DDI2: variants seen among roughly 807,000 people sequenced by gnomAD.
DDI2 encodes the protein DDI proteasomal shuttling factor 2, also known as protein DDI1 homolog 2.
DDI2 carries 5 observed loss-of-function variants against 48.1 expected under a neutral mutation model. The ratio of observed to expected loss-of-function variants is 0.10; its 90% confidence interval spans 0.05 to 0.22. The LOEUF (loss-of-function observed/expected upper bound fraction) is 0.22. DDI2 is among the 10% of genes least tolerant of loss of function. DDI2 has a pLI of 1.00. For missense variants in DDI2, 285 were observed against 506.2 expected, an observed-to-expected ratio of 0.56 and a Z score of 4.19; for synonymous variants, 205 against 183.6, an observed-to-expected ratio of 1.12 and a Z score of -0.94.
At chr1:15,636,219 C>T (rs1297241473) in intron 4 of DDI2, among the ~76,000 whole-genome samples, 3 of 152,118 alleles carry the variant, frequency 2.0e-5, no homozygotes, top group African/African-American at 7.2e-5. Context: ...GCCTCAACTT[C>T]TTAGGCTCAG....
In DDI2 at chr1:15,667,213, A is replaced by AG. The variant is rs1334196337; in HGVS notation, c.*7423_*7424insG. ...GAGTGAGACACCGTCTCAAAAAAAAAAAAAATTTTTTTTTAAATGGAATCA... is the reference window on the plus strand; with the variant it reads ...GAGTGAGACACCGTCTCAAAAAAAAAGAAAAATTTTTTTTTAAATGGAATCA... On this transcript the variant is annotated 3_prime_UTR_variant, in exon 10 of 10. Transcript: ENST00000480945. 1 of 144,682 alleles carries AG rather than the reference A, an allele frequency of 6.9e-6. No homozygotes were observed. The highest frequency in any genetic ancestry group is 1.5e-5 in the Non-Finnish European group (1 of 66,270). 9.0% of individuals were successfully genotyped at this position (144,682 alleles called of 1,614,324 possible).
intron 8 of DDI2, among the ~76,000 whole-genome samples, chr1:15,655,752 CAAAAAAAA>C (rs111602583): frequency 8.6e-6 from 1 of 115,932 alleles, no homozygotes; most frequent in African/African-American, 3.1e-5. Context: ...GACTCCTTCT[CAAAAAAAA>C]AAAAAAAGAA....
rs147667349 is a variant in DDI2, at chr1:15,660,422, A to G, written c.*632A>G. The G allele has an allele frequency of 1.4e-4, 223 of 1,614,070 alleles. No homozygotes were observed. In the African/African-American group the frequency reaches 2.7e-3, roughly 19 times the overall value. ...GAGGTTGCACAACAAAAAGCTTCAC[A>G]TGACCAAGAATATCTTTGTAACATA... On this transcript the variant is annotated 3_prime_UTR_variant, in exon 10 of 10. Coordinates refer to ENST00000480945, the MANE Select transcript of DDI2 (RefSeq NM_032341.5).
At chr1:15,657,972 AG>A (rs1371341509) in intron 9 of DDI2, among the ~76,000 whole-genome samples, 6 of 152,180 alleles carry the variant, frequency 3.9e-5, no homozygotes, top group Non-Finnish European at 8.8e-5. Flanking sequence ...GCTGTTAACC[AG>A]TAGTTTATTA....
At position 15,659,566 on chromosome 1, in the gene DDI2, G is replaced by A. The variant is rs113570905; in HGVS notation, c.*47-271G>A. Among the ~76,000 whole-genome samples, 12 of 152,216 alleles carry A rather than the reference G, an allele frequency of 7.9e-5. No individual in the cohort carries two copies. The South Asian group carries it at 1.5e-3, about 18-fold the overall frequency. ...TCCTTCATTCCTGAGCACTAACCCC[G>A]CCATTATGTGAATGCATATTAATGG... On this transcript the variant is annotated intron_variant, in intron 9 of 9. Coordinates refer to ENST00000480945, the MANE Select transcript of DDI2 (RefSeq NM_032341.5).
rs1476164279 is a variant in DDI2, at chr1:15,662,486, G to T, written c.*2696G>T. 1 of 152,154 alleles carries T rather than the reference G, an allele frequency of 6.6e-6. No individual in the cohort carries two copies. Among genetic ancestry groups the T allele is most frequent in the East Asian group, 1.9e-4 (1 of 5,204 alleles). 9.4% of individuals were successfully genotyped at this position (152,154 alleles called of 1,614,324 possible). On this transcript the variant is annotated 3_prime_UTR_variant, in exon 10 of 10. Coordinates refer to ENST00000480945, the MANE Select transcript of DDI2 (RefSeq NM_032341.5). Reference sequence around the variant, plus strand: ...CGTGGTGCTACCCAGATTCTTAAAAGAACAGAACAACCATAATTCCATTTG... The same window carrying T: ...CGTGGTGCTACCCAGATTCTTAAAATAACAGAACAACCATAATTCCATTTG...
chr1:15,655,955 T>G (rs1056868162), intron 8 of DDI2, among the ~76,000 whole-genome samples: 1 of 151,916 alleles, frequency 6.6e-6, no homozygotes. Flanking sequence ...GCTTATTTTT[T>G]AAATACTTTA....
rs115933202 is a variant in DDI2 at position 15,626,519 on chromosome 1, G to T, written c.139-150G>T. The T allele has an allele frequency of 9.6e-3, 10,398 of 1,085,962 alleles. 64 individuals carry two copies. Among genetic ancestry groups the T allele is most frequent in the Middle Eastern group, 0.022 (99 of 4,464 alleles). 67.3% of individuals were successfully genotyped at this position (1,085,962 alleles called of 1,614,324 possible). ...GTTTGGTCCTGCTAGGTGACGGGAA[G>T]GACTGTGGGTTTTGTTCTGGATGTG... is the stretch of plus-strand genomic sequence containing the variant. On this transcript the variant is annotated intron_variant, in intron 1 of 9. Coordinates refer to ENST00000480945, the MANE Select transcript of DDI2 (RefSeq NM_032341.5).
At chr1:15,634,240 G>A (rs912845558) in intron 4 of DDI2, 1 of 154,922 alleles carries the variant, frequency 6.5e-6, no homozygotes, top group African/African-American at 2.4e-5. Context: ...GGACAGTGAC[G>A]CTGTTCCGGC....
intron 5 of DDI2, 142 bp from the exon 6 acceptor site, chr1:15,643,380 T>G (rs1640040226): frequency 8.6e-7 from 1 of 1,169,110 alleles, no homozygotes; most frequent in Admixed American, 2.9e-5. Context: ...GGCAGGGCAC[T>G]TGCTAGGTAG....
At position 15,665,581 on chromosome 1, in the gene DDI2, G is replaced by A. The variant is rs1640440919; in HGVS notation, c.*5791G>A. 1 of 152,168 alleles carries A rather than the reference G, an allele frequency of 6.6e-6. No homozygotes were observed. Among genetic ancestry groups the A allele is most frequent in the Admixed American group, 6.5e-5 (1 of 15,274 alleles). The allele number at this position is 152,168 out of a possible 1,614,324, so 9.4% of individuals were successfully genotyped here. ...AATTTAGGTTAACTTTTAAGCTCAT[G>A]TCTATATATATGTGTGTAAGCTAGC... On this transcript the variant is annotated 3_prime_UTR_variant, in exon 10 of 10. Coordinates refer to ENST00000480945, the MANE Select transcript of DDI2 (RefSeq NM_032341.5).
At chr1:15,659,774 G>T (rs972186989) in intron 9 of DDI2, 63 bp from the exon 10 acceptor site, 5 of 1,456,040 alleles carry the variant, frequency 3.4e-6, no homozygotes, top group Non-Finnish European at 4.5e-6. Flanking sequence ...GTATCCTCTG[G>T]TAATTTAGTG....
At chr1:15,652,058 C>G (rs1289956127) in intron 8 of DDI2, among the ~76,000 whole-genome samples, 163 bp downstream of exon 8, 1 of 75,962 alleles carries the variant, frequency 1.3e-5, no homozygotes, top group African/African-American at 6.6e-5. Flanking sequence ...TTTGATCTTC[C>G]TTTTTTTTTT....
intron 2 of DDI2, among the ~76,000 whole-genome samples, chr1:15,629,760 T>A (rs1639814321): frequency 6.6e-6 from 1 of 151,472 alleles, no homozygotes; most frequent in African/African-American, 2.4e-5. Flanking sequence ...AGATGAAGTT[T>A]CGCTCTTGTT....
chr1:15,669,033 T>G lies in DDI2; in HGVS notation c.*9243T>G, dbSNP rs1640491753. On this transcript the variant is annotated 3_prime_UTR_variant, in exon 10 of 10. Coordinates refer to ENST00000480945, the MANE Select transcript of DDI2 (RefSeq NM_032341.5). ...ATTTGATATTTAAGACAATAAAGTTTTTATCATAAGACTTCTGTTTGATCA... is the reference window on the plus strand; with the variant it reads ...ATTTGATATTTAAGACAATAAAGTTGTTATCATAAGACTTCTGTTTGATCA... The G allele has an allele frequency of 1.3e-5, 2 of 152,210 alleles. No individual in the cohort carries two copies. The highest frequency in any genetic ancestry group is 2.9e-5 in the Non-Finnish European group (2 of 68,040). The allele number at this position is 152,210 out of a possible 1,614,324, so 9.4% of individuals were successfully genotyped here. A position where few individuals can be genotyped will look rare whatever the true frequency, so the allele number is the denominator to read the frequency against.
At chr1:15,636,449 G>A (rs1466644158) in intron 4 of DDI2, among the ~76,000 whole-genome samples, 2 of 150,224 alleles carry the variant, frequency 1.3e-5, no homozygotes, top group African/African-American at 5.0e-5. Context: ...TTGTTTGTTT[G>A]TTGAAGAGAC....
chr1:15,633,618 A>C, intron 4 of DDI2, 53 bp downstream of exon 4: 1 of 1,595,596 alleles, frequency 6.3e-7, no homozygotes, highest in Non-Finnish European at 8.5e-7. Flanking sequence ...GATTTCCCAG[A>C]CTGCAGGTTA....
chr1:15,633,776 ACTTT>A (rs1287491191), intron 4 of DDI2: 2 of 652,626 alleles, frequency 3.1e-6, no homozygotes, highest in East Asian at 8.8e-5. Flanking sequence ...TAGTTTAATG[ACTTT>A]CTTTCTAAAA....
rs1011535298 is a variant in DDI2 at position 15,659,723 on chromosome 1, C to T, written c.*47-114C>T. ...CATTTCTATTTGTGTAAGAGAAACCCGAGTTTGAGGACCTTATTTTATTCT... is the reference window on the plus strand; with the variant it reads ...CATTTCTATTTGTGTAAGAGAAACCTGAGTTTGAGGACCTTATTTTATTCT... On this transcript the variant is annotated intron_variant, in intron 9 of 9. Coordinates refer to ENST00000480945, the MANE Select transcript of DDI2 (RefSeq NM_032341.5). 36 of 1,103,198 alleles carry T rather than the reference C, an allele frequency of 3.3e-5. No homozygotes were observed. The East Asian group carries it at 3.9e-4, about 12-fold the overall frequency. 68.3% of individuals were successfully genotyped at this position (1,103,198 alleles called of 1,614,324 possible).
Sources: gnomAD v4.1 joint callset for allele counts (sites outside exome capture counted in the v4.1 genomes callset) on GRCh38, gnomAD v4.1.1 for gene constraint, MANE v1.5 for transcripts, NCBI Gene and HGNC (gene_info 2026-07-23, HGNC 2026-07-21) for gene names.